The following ERG variants were observed in gnomAD, a reference collection of about 807,000 sequenced individuals.
ERG encodes transcriptional regulator ERG.
ERG carries 9 observed loss-of-function variants against 55.3 expected under a neutral mutation model. That is an observed-to-expected ratio of 0.16 (90% confidence interval 0.10 to 0.28). The LOEUF (loss-of-function observed/expected upper bound fraction) is 0.28. Among genes scored for constraint, ERG ranks in the 10% least tolerant of loss-of-function variants. The pLI is 1.00. For synonymous variants in ERG, 223 were observed against 237.3 expected, an observed-to-expected ratio of 0.94 and a Z score of 0.55; for missense variants, 434 against 631.6, an observed-to-expected ratio of 0.69 and a Z score of 3.35.
At chr21:38,501,061 CTTTTTTTTTTTTTTT>C (rs34639260), upstream of ERG, among the ~76,000 whole-genome samples, 2 of 81,186 alleles carry the variant, frequency 2.5e-5, no homozygotes, top group Non-Finnish European at 4.5e-5. Flanking sequence ...CAAGGCACAT[CTTTTTTTTTTTTTTT>C]TTTTTTTTTG....
intron 1 of ERG, among the ~76,000 whole-genome samples, chr21:38,632,805 GGT>G (rs2060365145): frequency 6.6e-6 from 1 of 152,170 alleles, no homozygotes; most frequent in South Asian, 2.1e-4. Flanking sequence ...ATTGTAAAAT[GGT>G]GTAGCCCCTC....
chr21:38,639,371 A>G (rs892842482), intron 1 of ERG, among the ~76,000 whole-genome samples: 4 of 152,276 alleles, frequency 2.6e-5, no homozygotes, highest in Admixed American at 6.5e-5. Flanking sequence ...AACTTTAAAA[A>G]AAAAAACTAT....
At chr21:38,497,684 G>A (rs1196831938) in intron 1 of ERG, among the ~76,000 whole-genome samples, 4 of 152,092 alleles carry the variant, frequency 2.6e-5, no homozygotes, top group East Asian at 1.9e-4. Flanking sequence ...AGAACCGACC[G>A]GCCATTGCTT....
chr21:38,599,342 C>A (rs1340035032), intron 1 of ERG, among the ~76,000 whole-genome samples: 8 of 152,140 alleles, frequency 5.3e-5, no homozygotes, highest in Non-Finnish European at 7.4e-5. Flanking sequence ...CAGACACACA[C>A]AGGGATGTCA....
intron 2 of ERG, among the ~76,000 whole-genome samples, chr21:38,552,945 T>C (rs752667057): frequency 2.7e-4 from 41 of 151,908 alleles, no homozygotes; most frequent in Non-Finnish European, 5.1e-4. Context: ...GAAAACCTCA[T>C]TGTATCTGTC....
intron 1 of ERG, among the ~76,000 whole-genome samples, chr21:38,579,273 A>G (rs1415597359): frequency 1.3e-5 from 2 of 152,220 alleles, no homozygotes; most frequent in East Asian, 3.9e-4. Context: ...CAACTGTTTG[A>G]GTCTCTTGTT....
At chr21:38,655,302 A>G (rs1358050506) in intron 1 of ERG, among the ~76,000 whole-genome samples, 18 of 152,068 alleles carry the variant, frequency 1.2e-4, no homozygotes, top group Non-Finnish European at 2.5e-4. Flanking sequence ...GTTCACTCTC[A>G]TGTCAAGCAG....
intron 9 of ERG, among the ~76,000 whole-genome samples, chr21:38,385,188 C>T (rs1987636234): frequency 6.6e-6 from 1 of 152,152 alleles, no homozygotes; most frequent in African/African-American, 2.4e-5. Context: ...TTTATGGCTC[C>T]CTAGAAGACA....
upstream of ERG, among the ~76,000 whole-genome samples, chr21:38,499,093 A>G (rs1484150503): frequency 6.6e-6 from 1 of 152,246 alleles, no homozygotes; most frequent in Non-Finnish European, 1.5e-5. Context: ...TGAAAACGCA[A>G]GGACTCTAGG....
intron 2 of ERG, among the ~76,000 whole-genome samples, chr21:38,528,043 G>A (rs2059642535): frequency 2.0e-5 from 3 of 152,190 alleles, no homozygotes; most frequent in Admixed American, 1.3e-4. Context: ...GGGAGGATCT[G>A]TTCTAGGCTC....
At chr21:38,545,002 A>G (rs1332427640) in intron 2 of ERG, among the ~76,000 whole-genome samples, 1 of 152,204 alleles carries the variant, frequency 6.6e-6, no homozygotes, top group Admixed American at 6.5e-5. Flanking sequence ...CCCCAGTGCC[A>G]AAGAACTAAG....
intron 1 of ERG, among the ~76,000 whole-genome samples, chr21:38,581,218 C>T (rs774984355): frequency 9.2e-5 from 14 of 152,230 alleles, no homozygotes; most frequent in South Asian, 4.1e-4. Context: ...ATAGGCAGGA[C>T]GCTGGGCTGG....
chr21:38,627,274 A>T (rs1453714535), intron 1 of ERG, among the ~76,000 whole-genome samples: 8 of 152,202 alleles, frequency 5.3e-5, no homozygotes, highest in African/African-American at 1.9e-4. Flanking sequence ...TTGCCAAGAC[A>T]TTAATGTAAA....
chr21:38,550,556 G>A (rs1178484910), intron 2 of ERG, among the ~76,000 whole-genome samples: 2 of 152,194 alleles, frequency 1.3e-5, no homozygotes, highest in Non-Finnish European at 2.9e-5. Flanking sequence ...CCAGCAAGAA[G>A]ATGGACATCT....
chr21:38,421,978 A>G (rs1354930564), intron 3 of ERG, among the ~76,000 whole-genome samples: 1 of 152,160 alleles, frequency 6.6e-6, no homozygotes, highest in Non-Finnish European at 1.5e-5. Context: ...TCAGCCTCCC[A>G]AAGTGCTGGG....
intron 3 of ERG, among the ~76,000 whole-genome samples, chr21:38,414,444 T>A (rs1301292490): frequency 6.6e-6 from 1 of 152,230 alleles, no homozygotes; most frequent in African/African-American, 2.4e-5. Flanking sequence ...GGCAGCTGTT[T>A]CTGCCAGTCT....
At chr21:38,466,053 G>A (rs898051597) in intron 1 of ERG, among the ~76,000 whole-genome samples, 1 of 152,204 alleles carries the variant, frequency 6.6e-6, no homozygotes, top group Non-Finnish European at 1.5e-5. Context: ...TGTATTTCTG[G>A]GGACTAGTGA....
intron 1 of ERG, among the ~76,000 whole-genome samples, chr21:38,493,403 A>G (rs1027221014): frequency 2.6e-5 from 4 of 152,224 alleles, no homozygotes; most frequent in African/African-American, 9.6e-5. Context: ...ACAAGGCCAA[A>G]CAGATACACA....
At chr21:38,592,584 TGTGTGTG>T (rs2060107622) in intron 1 of ERG, among the ~76,000 whole-genome samples, 1 of 141,010 alleles carries the variant, frequency 7.1e-6, no homozygotes, top group Admixed American at 6.8e-5. Context: ...TGTGTGTGTG[TGTGTGTG>T]TGTGTGTGTG....
Sources: allele counts gnomAD v4.1 joint callset (sites outside exome capture counted in the v4.1 genomes callset), GRCh38; gene constraint gnomAD v4.1.1; transcripts MANE v1.5; gene names NCBI Gene and HGNC (gene_info 2026-07-23, HGNC 2026-07-21).